Variants in CCDC158 observed in about 807,000 individuals in gnomAD.
The protein encoded by CCDC158 is coiled-coil domain-containing protein 158.
In CCDC158, 116 loss-of-function variants were observed where a neutral mutation model predicts 138.6. That is an observed-to-expected ratio of 0.84 (90% CI 0.72 to 0.98). The LOEUF is 0.98. Ranked by LOEUF, CCDC158 falls within the 50% of genes least tolerant of loss-of-function variation. CCDC158 has a pLI of 0.00. For synonymous variants in CCDC158, 436 were observed against 442.4 expected, an observed-to-expected ratio of 0.99 and a Z score of 0.18; for missense variants, 1,265 against 1,306.1, an observed-to-expected ratio of 0.97 and a Z score of 0.48.
intron 18 of CCDC158, among the ~76,000 whole-genome samples, chr4:76,341,995 G>A (rs1395584665): frequency 6.6e-6 from 1 of 152,116 alleles, no homozygotes; most frequent in African/African-American, 2.4e-5. Flanking sequence ...TAGAGAAACA[G>A]TACAGTATAA....
In CCDC158 at chr4:76,355,344, C is replaced by A; in HGVS notation, c.2266G>T (p.Ala756Ser). 4 of 1,613,540 alleles carry A rather than the reference C, an allele frequency of 2.5e-6. No individual in the cohort carries two copies. Among genetic ancestry groups the A allele is most frequent in the Non-Finnish European group, 3.4e-6 (4 of 1,179,578 alleles). ...LQSKIQFLEE[A>S]MTNANKEKHF... ...CCCACCTTATTTGCATTTGTCATTG[C>A]CTCTTCCAAAAACTGTATCTTGCTC... The change falls in exon 15 of 25, where the codon GCA (alanine) becomes TCA (serine). Residue 756 changes from alanine to serine, a missense_variant. By Grantham distance (99) the Ala-to-Ser change is moderately conservative. Transcript: ENST00000682701.
chr4:76,354,742 C>A (rs1723378155), intron 15 of CCDC158, among the ~76,000 whole-genome samples: 1 of 152,170 alleles, frequency 6.6e-6, no homozygotes, highest in Non-Finnish European at 1.5e-5. Context: ...TGTTATGAAC[C>A]ACATCCATCC....
In CCDC158 at chr4:76,413,939, TTTTC is replaced by T. The variant is rs747728835; in HGVS notation, c.-116-1811_-116-1808del. Among the ~76,000 whole-genome samples the T allele has an allele frequency of 1.5e-4, 23 of 152,334 alleles. No homozygotes were observed. In the East Asian group the frequency reaches 2.7e-3, roughly 18 times the overall value. On this transcript the variant is annotated intron_variant, in intron 1 of 24. Transcript: ENST00000682701. ...TTAGAATAAAGTTTTTACTTTTCTT[TTTTC>T]TTTCTTTCTTTTTTTTGAGACAGGG...
At position 76,396,415 on chromosome 4, in the gene CCDC158, A is replaced by G. The variant is rs1469685351; in HGVS notation, c.142T>C (p.Leu48=). 1 of 1,613,976 alleles carries G rather than the reference A, an allele frequency of 6.2e-7. No homozygotes were observed. The highest frequency in any genetic ancestry group is 8.5e-7 in the Non-Finnish European group (1 of 1,179,980). ...TTAGGGAAAAAAGGAACCTGTGTCA[A>G]AGTCCCAGCTGAAGATGTGTTTTCA... ...IIENTSSAGT[L]TQVPFFPKYE... Residue 48 remains leucine (L), a synonymous_variant, in exon 4 of 25, where the codon TTG becomes CTG. Transcript: ENST00000682701.
chr4:76,400,110 T>C (rs577774210), intron 3 of CCDC158, among the ~76,000 whole-genome samples: 1 of 151,736 alleles, frequency 6.6e-6, no homozygotes, highest in African/African-American at 2.4e-5. Context: ...TTTTCGTATG[T>C]TTATTGCGGC....
chr4:76,392,713 T>C (rs1245065154), intron 4 of CCDC158, among the ~76,000 whole-genome samples: 3 of 152,010 alleles, frequency 2.0e-5, no homozygotes, highest in Non-Finnish European at 4.4e-5. Context: ...TGTTTCCAGA[T>C]GATATAATCT....
chr4:76,407,374 T>C (rs564089836), intron 2 of CCDC158: 28 of 152,172 alleles, frequency 1.8e-4, no homozygotes, highest in African/African-American at 6.5e-4. Flanking sequence ...AATAGAATGT[T>C]AGTCAAGATT....
At chr4:76,371,013 T>C (rs1043140373) in intron 10 of CCDC158, among the ~76,000 whole-genome samples, 3 of 152,358 alleles carry the variant, frequency 2.0e-5, no homozygotes, top group East Asian at 1.9e-4. Flanking sequence ...GGCTTCATTA[T>C]GAGCACAATC....
chr4:76,405,710 G>C (rs1241620735), intron 2 of CCDC158, among the ~76,000 whole-genome samples: 8 of 152,008 alleles, frequency 5.3e-5, no homozygotes, highest in African/African-American at 1.9e-4. Flanking sequence ...AAAGACCATT[G>C]ACTTAAAATG....
intron 24 of CCDC158, among the ~76,000 whole-genome samples, chr4:76,322,661 C>A (rs910183744): frequency 2.0e-5 from 3 of 152,122 alleles, no homozygotes; most frequent in African/African-American, 7.2e-5. Context: ...AAATTCATTT[C>A]TCTCTGATAA....
chr4:76,376,437 T>C (rs373409615), intron 9 of CCDC158, among the ~76,000 whole-genome samples: 2 of 152,296 alleles, frequency 1.3e-5, no homozygotes, highest in African/African-American at 4.8e-5. Context: ...ATTTGAATGG[T>C]ATATACTGAA....
At position 76,313,823 on chromosome 4, in the gene CCDC158, T is replaced by C. The variant is rs187888498; in HGVS notation, c.3278-577A>G. Among the ~76,000 whole-genome samples the C allele has an allele frequency of 2.0e-5, 3 of 152,374 alleles. No individual in the cohort carries two copies. The East Asian group carries it at 5.8e-4, about 29-fold the overall frequency. On this transcript the variant is annotated intron_variant, in intron 24 of 24. Transcript: ENST00000682701. ...TTTACACAAATGAAAACATATGCTA[T>C]AGACTGTTCTGTAGCTTCTTTTTCA...
At chr4:76,332,959 A>G (rs1721133925) in intron 19 of CCDC158, among the ~76,000 whole-genome samples, 1 of 152,174 alleles carries the variant, frequency 6.6e-6, no homozygotes. Flanking sequence ...TATATGCCTA[A>G]GTTTACAAAT....
chr4:76,340,839 C>T (rs1283383413), intron 18 of CCDC158, among the ~76,000 whole-genome samples: 1 of 152,156 alleles, frequency 6.6e-6, no homozygotes, highest in Non-Finnish European at 1.5e-5. Flanking sequence ...TCACCCCCCG[C>T]CTCAACCTGT....
At chr4:76,358,936 C>T (rs2110202693) in intron 13 of CCDC158, among the ~76,000 whole-genome samples, 1 of 152,292 alleles carries the variant, frequency 6.6e-6, no homozygotes, top group East Asian at 1.9e-4. Context: ...GCTCTGTGTT[C>T]TGACCCAAAT....
chr4:76,342,777 CA>C (rs997629616), intron 18 of CCDC158, among the ~76,000 whole-genome samples: 1 of 152,134 alleles, frequency 6.6e-6, no homozygotes, highest in Non-Finnish European at 1.5e-5. Context: ...ATTAATTTAG[CA>C]AAATGAAGTT....
At chr4:76,392,789 A>C (rs1404078884) in intron 4 of CCDC158, among the ~76,000 whole-genome samples, 2 of 152,064 alleles carry the variant, frequency 1.3e-5, no homozygotes, top group Non-Finnish European at 2.9e-5. Flanking sequence ...AATTCAGTCA[A>C]GTTGCAGGAT....
intron 4 of CCDC158, among the ~76,000 whole-genome samples, chr4:76,390,125 A>G (rs568270128): frequency 6.6e-6 from 1 of 152,312 alleles, no homozygotes; most frequent in East Asian, 1.9e-4. Context: ...TGATAAACCA[A>G]TCAAAAGTAA....
At chr4:76,372,465 C>T (rs1300056162) in intron 9 of CCDC158, among the ~76,000 whole-genome samples, 1 of 152,070 alleles carries the variant, frequency 6.6e-6, no homozygotes, top group Non-Finnish European at 1.5e-5. Flanking sequence ...CTTGATATGG[C>T]ATAAACAACA....
Sources: gnomAD v4.1 joint callset for allele counts (sites outside exome capture counted in the v4.1 genomes callset) on GRCh38, gnomAD v4.1.1 for gene constraint, MANE v1.5 for transcripts, NCBI Gene and HGNC (gene_info 2026-07-23, HGNC 2026-07-21) for gene names.